The following ASIC2 variants were observed in gnomAD, a reference collection of about 807,000 sequenced individuals.
ASIC2 encodes the protein acid sensing ion channel subunit 2, also known as acid-sensing ion channel 2.
A neutral mutation model predicts 57.3 loss-of-function variants in ASIC2; 25 were observed. That is an observed-to-expected ratio of 0.44 (90% CI 0.32 to 0.61). The LOEUF is 0.61. ASIC2 is among the 20% of genes least tolerant of loss of function. The pLI, the probability that ASIC2 is intolerant of heterozygous loss-of-function variation, is 0.06. For synonymous variants in ASIC2, 319 were observed against 307.5 expected (o/e 1.04, Z -0.39); for missense variants, 641 against 738.1 (o/e 0.87, Z 1.52).
chr17:33,749,737 C>T (rs547706884), intron 1 of ASIC2, among the ~76,000 whole-genome samples: 5 of 152,140 alleles, frequency 3.3e-5, no homozygotes, highest in Admixed American at 6.5e-5. Flanking sequence ...CCCACTTCAC[C>T]GTCAGCCCTG....
intron 1 of ASIC2, among the ~76,000 whole-genome samples, chr17:33,487,999 C>T (rs1049921396): frequency 4.6e-5 from 7 of 152,336 alleles, no homozygotes; most frequent in East Asian, 1.9e-4. Flanking sequence ...TGGCCTATTA[C>T]GGGACTTTAC....
intron 1 of ASIC2, among the ~76,000 whole-genome samples, chr17:33,567,129 G>A (rs1916258847): frequency 1.3e-5 from 2 of 152,156 alleles, no homozygotes; most frequent in South Asian, 4.1e-4. Flanking sequence ...GGCTGGAGGA[G>A]GAAAGAGTGG....
chr17:33,232,446 AATGGTATGGTATGGTATGGT>A lies in ASIC2; in HGVS notation c.708+58942_708+58961del, dbSNP rs796183336. Among the ~76,000 whole-genome samples, 329 of 128,020 alleles carry A rather than the reference AATGGTATGGTATGGTATGGT, an allele frequency of 2.6e-3. 1 individual carries two copies. Among genetic ancestry groups the A allele is most frequent in the African/African-American group, 0.01 (314 of 31,326 alleles). The allele number at this position is 128,020 out of a possible 152,430, so 84.0% of individuals were successfully genotyped here. ...TATGGTATGGTATGGTATGGTATGG[AATGGTATGGTATGGTATGGT>A]ATGGTATGGTATGGTATGGTATGGT... is the stretch of plus-strand genomic sequence containing the variant. On this transcript the variant is annotated intron_variant, in intron 1 of 9. Transcript: ENST00000225823.
At chr17:33,581,599 G>A (rs900487539) in intron 1 of ASIC2, 36 of 152,248 alleles carry the variant, frequency 2.4e-4, no homozygotes, top group African/African-American at 8.7e-4. Flanking sequence ...CACAGGGTGG[G>A]AGTCGGCCCA....
intron 1 of ASIC2, among the ~76,000 whole-genome samples, chr17:33,750,602 G>A (rs910278914): frequency 2.0e-5 from 3 of 152,132 alleles, no homozygotes; most frequent in Admixed American, 6.5e-5. Flanking sequence ...TAATAACTCC[G>A]AACAGTGCCC....
Position 33,015,960 on chromosome 17 carries a change from G to T in ASIC2, c.1590+11C>A, listed in dbSNP as rs752625870. ...CAGCAGAACAACTTCCAATCAGTGA[G>T]CTGCTCTTACCACATTCTCATCGTG... On this transcript the variant is annotated intron_variant, in intron 9 of 9. Transcript: ENST00000225823. The T allele has an allele frequency of 3.7e-6, 6 of 1,614,002 alleles. No homozygotes were observed. In the East Asian group the frequency reaches 1.3e-4, roughly 36 times the overall value.
intron 1 of ASIC2, among the ~76,000 whole-genome samples, chr17:33,903,732 A>G (rs993425854): frequency 6.6e-6 from 1 of 152,192 alleles, no homozygotes; most frequent in Non-Finnish European, 1.5e-5. Flanking sequence ...ATGAGATTCC[A>G]ATTTCTATAA....
In ASIC2 at chr17:33,292,153, C is replaced by G. The variant is rs1214193997; in HGVS notation, c.-38G>C. 3 of 1,026,424 alleles carry G rather than the reference C, an allele frequency of 2.9e-6. No homozygotes were observed. The highest frequency in any genetic ancestry group is 3.5e-6 in the Non-Finnish European group (3 of 858,848). 63.6% of individuals were successfully genotyped at this position (1,026,424 alleles called of 1,614,324 possible). A position where few individuals can be genotyped will look rare whatever the true frequency, so the allele number is the denominator to read the frequency against. On this transcript the variant is annotated 5_prime_UTR_variant, in exon 1 of 10. Transcript: ENST00000225823. ...CGGCTGGCGGCAGCGGCGGCGGCCC[C>G]GGCCGGGCGGAGCCGCCATGGGAGT...
At chr17:33,078,350 C>T (rs905033926) in intron 3 of ASIC2, among the ~76,000 whole-genome samples, 2 of 152,202 alleles carry the variant, frequency 1.3e-5, no homozygotes, top group Non-Finnish European at 2.9e-5. Flanking sequence ...CCATTTCTAG[C>T]TTATCCTTTC....
At chr17:33,364,609 C>T (rs1908735137) in intron 1 of ASIC2, among the ~76,000 whole-genome samples, 1 of 152,080 alleles carries the variant, frequency 6.6e-6, no homozygotes, top group African/African-American at 2.4e-5. Context: ...CTCCTTCTGG[C>T]CTTGTGAAGA....
chr17:34,098,811 C>T (rs1008809587), intron 1 of ASIC2, among the ~76,000 whole-genome samples: 9 of 152,286 alleles, frequency 5.9e-5, no homozygotes, highest in Middle Eastern at 3.4e-3. Context: ...CTACCCTATA[C>T]CCATCCAGAA....
intron 1 of ASIC2, among the ~76,000 whole-genome samples, chr17:33,852,333 A>G (rs1283703039): frequency 6.6e-6 from 1 of 152,202 alleles, no homozygotes; most frequent in African/African-American, 2.4e-5. Context: ...TGCATGAGCT[A>G]AACCTTCACC....
intron 1 of ASIC2, among the ~76,000 whole-genome samples, chr17:33,487,170 TTTAAA>T (rs1913600741): frequency 6.6e-6 from 1 of 152,202 alleles, no homozygotes; most frequent in African/African-American, 2.4e-5. Context: ...AAGAAGAATT[TTTAAA>T]AACTAAGTAC....
intron 1 of ASIC2, among the ~76,000 whole-genome samples, chr17:33,778,091 C>T (rs1481807590): frequency 6.6e-6 from 1 of 152,186 alleles, no homozygotes; most frequent in African/African-American, 2.4e-5. Flanking sequence ...ACTGCTGATT[C>T]ACTGAGCTAC....
chr17:33,079,242 G>A (rs1334278245), intron 3 of ASIC2, among the ~76,000 whole-genome samples: 1 of 152,208 alleles, frequency 6.6e-6, no homozygotes, highest in Non-Finnish European at 1.5e-5. Flanking sequence ...AGATAGATAA[G>A]TAAACAGACG....
At chr17:33,026,970 TA>T (rs2091861854) in intron 4 of ASIC2, among the ~76,000 whole-genome samples, 1 of 152,206 alleles carries the variant, frequency 6.6e-6, no homozygotes, top group Non-Finnish European at 1.5e-5. Flanking sequence ...TATTCGTATT[TA>T]AAACATACAA....
At chr17:33,514,230 AGAT>A (rs1028309336) in intron 1 of ASIC2, among the ~76,000 whole-genome samples, 19 of 152,164 alleles carry the variant, frequency 1.2e-4, no homozygotes, top group African/African-American at 4.6e-4. Flanking sequence ...CAGAATTTTC[AGAT>A]GAGAGAACTG....
At chr17:33,084,890 G>A (rs1598268328) in intron 3 of ASIC2, among the ~76,000 whole-genome samples, 1 of 152,314 alleles carries the variant, frequency 6.6e-6, no homozygotes, top group East Asian at 1.9e-4. Flanking sequence ...TAGGGCAAAT[G>A]CAGGTTAAGA....
intron 1 of ASIC2, among the ~76,000 whole-genome samples, chr17:33,663,292 A>G (rs1434659357): frequency 3.9e-5 from 6 of 152,148 alleles, no homozygotes; most frequent in African/African-American, 1.4e-4. Context: ...TTTTGCCTAC[A>G]CAATGTTGCC....
Sources: gnomAD v4.1 joint callset for allele counts (sites outside exome capture counted in the v4.1 genomes callset) on GRCh38, gnomAD v4.1.1 for gene constraint, MANE v1.5 for transcripts, NCBI Gene and HGNC (gene_info 2026-07-23, HGNC 2026-07-21) for gene names.